The following NPNT variants were observed in gnomAD, a reference collection of about 807,000 sequenced individuals.
NPNT encodes nephronectin.
NPNT carries 45 observed loss-of-function variants against 68.6 expected under a neutral mutation model. The ratio of observed to expected loss-of-function variants is 0.66; its 90% confidence interval spans 0.52 to 0.84. The LOEUF is 0.84. Ranked by LOEUF, NPNT falls within the 40% of genes least tolerant of loss-of-function variation. The probability of loss-of-function intolerance (pLI) is 0.00; values close to 1 mark genes in which losing one functional copy is unlikely to be tolerated. For synonymous variants in NPNT, 233 were observed against 253.3 expected, an observed-to-expected ratio of 0.92 and a Z score of 0.76; for missense variants, 672 against 714.8, an observed-to-expected ratio of 0.94 and a Z score of 0.68.
intron 8 of NPNT, among the ~76,000 whole-genome samples, chr4:105,953,497 G>A: frequency 6.6e-6 from 1 of 152,090 alleles, no homozygotes; most frequent in East Asian, 1.9e-4. Context: ...CTCTAACATG[G>A]TTAAAGAAAT....
intron 11 of NPNT, 55 bp from the exon 12 acceptor site, chr4:105,968,840 G>A: frequency 1.0e-6 from 1 of 964,008 alleles, no homozygotes; most frequent in South Asian, 1.5e-5. Context: ...GCTTAATAAG[G>A]AGGCATTAGA....
intron 8 of NPNT, among the ~76,000 whole-genome samples, chr4:105,945,121 G>A (rs182942695): frequency 3.3e-5 from 5 of 152,106 alleles, no homozygotes; most frequent in Non-Finnish European, 1.5e-5. Flanking sequence ...CCTCCACTTT[G>A]TGTTTTTCTT....
At chr4:105,966,182 C>T (rs984105247) in intron 10 of NPNT, among the ~76,000 whole-genome samples, 13 of 152,152 alleles carry the variant, frequency 8.5e-5, no homozygotes, top group Non-Finnish European at 1.8e-4. Context: ...TATGGAAAAA[C>T]CAGTGTTGAA....
At chr4:105,936,958 A>G (rs747149899) in intron 3 of NPNT, 51 bp from the exon 4 acceptor site, 22 of 1,580,196 alleles carry the variant, frequency 1.4e-5, no homozygotes, top group Non-Finnish European at 1.9e-5. Flanking sequence ...GATGGCTTAC[A>G]TTAGTGCTGA....
At chr4:105,895,866 G>C (rs1284043627) in intron 1 of NPNT, 143 bp downstream of exon 1, 6 of 724,346 alleles carry the variant, frequency 8.3e-6, no homozygotes, top group South Asian at 3.6e-5. Context: ...AGCGTGGCGC[G>C]AGGAGAGCGG....
In NPNT at chr4:105,895,545, G is replaced by T; in HGVS notation, c.-108G>T. On this transcript the variant is annotated 5_prime_UTR_variant, in exon 1 of 12. Transcript: ENST00000379987. Reference sequence around the variant, plus strand: ...CGGCAGCAGTAGCCCGGGCGGCGAGGGCTGGGGGTTCCTCGAGACTCTCAG... The same window carrying T: ...CGGCAGCAGTAGCCCGGGCGGCGAGTGCTGGGGGTTCCTCGAGACTCTCAG... 4 of 908,886 alleles carry T rather than the reference G, an allele frequency of 4.4e-6. No individual in the cohort carries two copies. The South Asian group carries it at 5.0e-5, about 11-fold the overall frequency. The allele number at this position is 908,886 out of a possible 1,614,324, so 56.3% of individuals were successfully genotyped here. A position where few individuals can be genotyped will look rare whatever the true frequency, so the allele number is the denominator to read the frequency against.
chr4:105,903,783 C>CTTTTTTTTTTT (rs746122761), intron 2 of NPNT, among the ~76,000 whole-genome samples: 1 of 126,982 alleles, frequency 7.9e-6, no homozygotes, highest in Non-Finnish European at 1.7e-5. Flanking sequence ...GACCTTCTTA[C>CTTTTTTTTTTT]TTTTTTTTTT....
At chr4:105,916,315 G>T (rs1053375202) in intron 2 of NPNT, among the ~76,000 whole-genome samples, 1 of 151,506 alleles carries the variant, frequency 6.6e-6, no homozygotes, top group African/African-American at 2.4e-5. Context: ...TGCCTGCCAG[G>T]TTCAATGGAC....
chr4:105,927,010 G>A (rs1300065711), intron 2 of NPNT: 1 of 166,150 alleles, frequency 6.0e-6, no homozygotes, highest in Admixed American at 6.1e-5. Context: ...AATTTTGGGT[G>A]CAGGACATTA....
intron 8 of NPNT, among the ~76,000 whole-genome samples, chr4:105,955,290 T>G (rs1013794371): frequency 2.6e-5 from 4 of 152,350 alleles, no homozygotes; most frequent in Admixed American, 1.3e-4. Flanking sequence ...AGTTCATTTT[T>G]GGGCAAGGCT....
intron 3 of NPNT, among the ~76,000 whole-genome samples, chr4:105,935,481 C>T (rs1434997116): frequency 6.6e-6 from 1 of 152,188 alleles, no homozygotes; most frequent in Non-Finnish European, 1.5e-5. Context: ...ATTTCTCAGT[C>T]ATTCTTCCTT....
chr4:105,962,197 T>G (rs554516630), intron 10 of NPNT, among the ~76,000 whole-genome samples: 1 of 152,322 alleles, frequency 6.6e-6, no homozygotes, highest in African/African-American at 2.4e-5. Flanking sequence ...AAGTGGTGAA[T>G]CCACTTTTGA....
intron 2 of NPNT, among the ~76,000 whole-genome samples, chr4:105,920,465 A>G (rs150137581): frequency 2.5e-3 from 382 of 151,370 alleles, no homozygotes; most frequent in African/African-American, 9.0e-3. Context: ...TGTGTTCTTA[A>G]CGTTTTATTT....
At position 105,969,670 on chromosome 4, in the gene NPNT, A is replaced by G. The variant is rs1403338522; in HGVS notation, c.*680A>G. ...TGTGCTATTGATATTAAGTATTTAC[A>G]TGTTCCAAATATTTACAGACTCTAG... is the stretch of plus-strand genomic sequence containing the variant. On this transcript the variant is annotated 3_prime_UTR_variant, in exon 12 of 12. Transcript: ENST00000379987. 1 of 152,154 alleles carries G rather than the reference A, an allele frequency of 6.6e-6. No homozygotes were observed. The highest frequency in any genetic ancestry group is 6.5e-5 in the Admixed American group (1 of 15,270). The allele number at this position is 152,154 out of a possible 1,614,324, so 9.4% of individuals were successfully genotyped here.
intron 3 of NPNT, chr4:105,932,766 C>A: frequency 8.9e-7 from 1 of 1,119,984 alleles, no homozygotes; most frequent in Non-Finnish European, 1.3e-6. Flanking sequence ...GCAGTTATGT[C>A]ACTTCTTGCA....
intron 8 of NPNT, among the ~76,000 whole-genome samples, chr4:105,954,366 T>C (rs2149394624): frequency 6.6e-6 from 1 of 152,314 alleles, no homozygotes; most frequent in African/African-American, 2.4e-5. Context: ...GTATAAAGAT[T>C]CTGGGGACAT....
chr4:105,970,155 G>C lies in NPNT; in HGVS notation c.*1165G>C. The C allele has an allele frequency of 2.1e-6, 1 of 487,658 alleles. No homozygotes were observed. The highest frequency in any genetic ancestry group is 3.7e-6 in the Non-Finnish European group (1 of 269,464). The allele number at this position is 487,658 out of a possible 1,614,324, so 30.2% of individuals were successfully genotyped here. ...TGTTGTGCTGTGTCAGGATGGGATA[G>C]GAAGCAAGTCCCATGCTTAGAGGCA... On this transcript the variant is annotated 3_prime_UTR_variant, in exon 12 of 12. Coordinates refer to ENST00000379987, the MANE Select transcript of NPNT (RefSeq NM_001033047.3).
intron 3 of NPNT, chr4:105,929,684 G>A (rs1728961856): frequency 6.6e-6 from 1 of 151,736 alleles, no homozygotes; most frequent in African/African-American, 2.4e-5. Context: ...TATCAGCACG[G>A]TAAAATATTG....
intron 2 of NPNT, chr4:105,912,498 C>A: frequency 2.0e-6 from 1 of 498,206 alleles, no homozygotes; most frequent in Non-Finnish European, 2.9e-6. Flanking sequence ...AATAAATTGA[C>A]CTCCATTCTA....
Sources: gnomAD v4.1 joint callset for allele counts (sites outside exome capture counted in the v4.1 genomes callset) on GRCh38, gnomAD v4.1.1 for gene constraint, MANE v1.5 for transcripts, NCBI Gene and HGNC (gene_info 2026-07-23, HGNC 2026-07-21) for gene names.